HNRNPA2B1: variants seen among roughly 807,000 people sequenced by gnomAD.
The protein encoded by HNRNPA2B1 is heterogeneous nuclear ribonucleoproteins A2/B1.
Under a neutral mutation model 46.3 loss-of-function variants are expected in HNRNPA2B1, and 3 were observed. That is an observed-to-expected ratio of 0.06 (90% CI 0.03 to 0.17). The LOEUF is 0.17. Ranked by LOEUF, HNRNPA2B1 falls within the 10% of genes least tolerant of loss-of-function variation. HNRNPA2B1 has a pLI of 1.00. For synonymous variants in HNRNPA2B1, 225 were observed against 133.8 expected, an observed-to-expected ratio of 1.68 and a Z score of -4.70; for missense variants, 221 against 418.9, an observed-to-expected ratio of 0.53 and a Z score of 4.12.
rs367758114 is a variant in HNRNPA2B1, at chr7:26,193,232, C to G, written c.964+19G>C. The G allele has an allele frequency of 1.9e-6, 3 of 1,602,682 alleles. No homozygotes were observed. Among genetic ancestry groups the G allele is most frequent in the African/African-American group, 1.4e-5 (1 of 74,022 alleles). On this transcript the variant is annotated intron_variant, in intron 9 of 10. Coordinates refer to ENST00000618183, the MANE Select transcript of HNRNPA2B1 (RefSeq NM_002137.4). ...CTTTAATCACAAAAATCTGAATAAC[C>G]TCAATTTTTATAAATTACCTCCACC...
rs113451169 is a variant in HNRNPA2B1 at position 26,197,298 on chromosome 7, A to C, written c.264+17T>G. On this transcript the variant is annotated intron_variant, in intron 3 of 10. Transcript: ENST00000618183. ...CGTTCTTCATGTTAATGCACAAGAC[A>C]GTCATTGTTTGCTTACCTCTCTTGC... 3.1e-5 allele frequency: 49 copies of C among 1,596,524 alleles called. No individual in the cohort carries two copies. In the African/African-American group the frequency reaches 3.1e-4, roughly 10 times the overall value.
chr7:26,199,858 C>G (rs1584013152), intron 1 of HNRNPA2B1: 1 of 152,322 alleles, frequency 6.6e-6, no homozygotes, highest in East Asian at 1.9e-4. Flanking sequence ...GAAACCGGGC[C>G]CGCAAACCCG....
At position 26,190,547 on chromosome 7, in the gene HNRNPA2B1, A is replaced by G. The variant is rs961138771; in HGVS notation, c.*1813T>C. On this transcript the variant is annotated 3_prime_UTR_variant, in exon 11 of 11. Coordinates refer to ENST00000618183, the MANE Select transcript of HNRNPA2B1 (RefSeq NM_002137.4). ...CAACTTCAGTGGTGGTCTTAGGATCAAAGAAGACTCATTGGTGTATAGAGT... is the reference window on the plus strand; with the variant it reads ...CAACTTCAGTGGTGGTCTTAGGATCGAAGAAGACTCATTGGTGTATAGAGT... The G allele has an allele frequency of 3.3e-5, 5 of 152,278 alleles. No individual in the cohort carries two copies. The allele number at this position is 152,278 out of a possible 1,614,324, so 9.4% of individuals were successfully genotyped here.
At chr7:26,194,735 T>A (rs1783321151) in intron 7 of HNRNPA2B1, among the ~76,000 whole-genome samples, 1 of 151,620 alleles carries the variant, frequency 6.6e-6, no homozygotes, top group Non-Finnish European at 1.5e-5. Flanking sequence ...GTATGTTCTT[T>A]ACTGTAAATA....
At chr7:26,198,233 T>G (rs940685343) in intron 1 of HNRNPA2B1, 5 of 167,286 alleles carry the variant, frequency 3.0e-5, no homozygotes, top group African/African-American at 1.2e-4. Context: ...ATCATTTATT[T>G]TCCCTTAACT....
At chr7:26,196,766 T>A (rs1450075713) in intron 4 of HNRNPA2B1, 41 bp downstream of exon 4, 5 of 1,582,512 alleles carry the variant, frequency 3.2e-6, no homozygotes, top group African/African-American at 2.7e-5. Flanking sequence ...CAAAATTGAA[T>A]ACACTGGAAA....
Position 26,196,865 on chromosome 7 carries a change from C to T in HNRNPA2B1, c.417G>A (p.Lys139=), listed in dbSNP as rs776320357. 20 of 1,614,044 alleles carry T rather than the reference C, an allele frequency of 1.2e-5. No individual in the cohort carries two copies. The highest frequency in any genetic ancestry group is 1.7e-5 in the Non-Finnish European group (20 of 1,179,982). The change falls in exon 4 of 11, where the codon AAG becomes AAA. Residue 139 remains lysine (K), a synonymous_variant. Transcript: ENST00000618183. ...IEIITDRQSG[K]KRGFGFVTFD... is the part of the protein sequence containing the mutation. ...AAGTAACAAAGCCAAAGCCTCTTTT[C>T]TTTCCAGACTGCCTATCAGTAATTA...
In HNRNPA2B1 at chr7:26,191,242, T is replaced by A. The variant is rs1006402485; in HGVS notation, c.*1118A>T. 1 of 152,222 alleles carries A rather than the reference T, an allele frequency of 6.6e-6. No individual in the cohort carries two copies. The highest frequency in any genetic ancestry group is 1.5e-5 in the Non-Finnish European group (1 of 67,986). The allele number at this position is 152,222 out of a possible 1,614,324, so 9.4% of individuals were successfully genotyped here. On this transcript the variant is annotated 3_prime_UTR_variant, in exon 11 of 11. Transcript: ENST00000618183. ...GGAAAAACAACCAAAATAATTTAAG[T>A]AAATGACAGATTGGAAAACAGGGTT...
intron 1 of HNRNPA2B1, chr7:26,198,015 TTAAA>T (rs764710802): frequency 2.2e-6 from 1 of 445,842 alleles, no homozygotes; most frequent in South Asian, 5.9e-5. Flanking sequence ...TTAAATTATC[TTAAA>T]TTATTAATTA....
In HNRNPA2B1 at chr7:26,192,354, TAA is replaced by T; in HGVS notation, c.*22-18_*22-17del. On this transcript the variant is annotated splice_polypyrimidine_tract_variant and intron_variant, in intron 10 of 10. Transcript: ENST00000618183. ...ACAGTGAAGCCTGTTTCAACAGAAG[TAA>T]AGAGTAAAAAAAAAATAGGTTATGA... 1 of 643,042 alleles carries T rather than the reference TAA, an allele frequency of 1.6e-6. No individual in the cohort carries two copies. The highest frequency in any genetic ancestry group is 2.7e-6 in the Non-Finnish European group (1 of 364,348). 39.8% of individuals were successfully genotyped at this position (643,042 alleles called of 1,614,324 possible). A position where few individuals can be genotyped will look rare whatever the true frequency, so the allele number is the denominator to read the frequency against.
In HNRNPA2B1 at chr7:26,195,092, C is replaced by CAAAAAAAAAAAAAAAAAAAAAA. The variant is rs11356411; in HGVS notation, c.721+754_721+755insTTTTTTTTTTTTTTTTTTTTTT. ...TGGGTGACAGAGCAAGGCTCCGTCT[C>CAAAAAAAAAAAAAAAAAAAAAA]AAAAAAAAAAAAAAAAAAGAAACCA... is the stretch of plus-strand genomic sequence containing the variant. On this transcript the variant is annotated intron_variant, in intron 7 of 10. Transcript: ENST00000618183. 3.9e-4 allele frequency among the ~76,000 whole-genome samples: 20 copies of CAAAAAAAAAAAAAAAAAAAAAA among 51,940 alleles called. 1 individual carries two copies. Among genetic ancestry groups the CAAAAAAAAAAAAAAAAAAAAAA allele is most frequent in the Non-Finnish European group, 6.5e-4 (14 of 21,458 alleles). 34.1% of individuals were successfully genotyped at this position (51,940 alleles called of 152,430 possible).
chr7:26,192,731 A>G (rs1783041677), intron 9 of HNRNPA2B1, among the ~76,000 whole-genome samples, 154 bp from the exon 10 acceptor site: 1 of 152,238 alleles, frequency 6.6e-6, no homozygotes, highest in Non-Finnish European at 1.5e-5. Flanking sequence ...CTCAGGAGAT[A>G]AATTACTCGG....
At chr7:26,196,172 C>T (rs994405929) in intron 6 of HNRNPA2B1, among the ~76,000 whole-genome samples, 3 of 152,130 alleles carry the variant, frequency 2.0e-5, no homozygotes, top group Non-Finnish European at 2.9e-5. Context: ...CAAAGCTTTT[C>T]GGATGACACT....
intron 3 of HNRNPA2B1, 70 bp from the exon 4 acceptor site, chr7:26,197,087 G>T: frequency 7.9e-7 from 1 of 1,262,170 alleles, no homozygotes; most frequent in Middle Eastern, 1.9e-4. Context: ...GCACCCAACC[G>T]TAGTACCATA....
chr7:26,196,683 T>C (rs1783677561), intron 4 of HNRNPA2B1, 25 bp from the exon 5 acceptor site: 1 of 1,595,208 alleles, frequency 6.3e-7, no homozygotes, highest in Non-Finnish European at 8.6e-7. Flanking sequence ...TCAGACTCCT[T>C]TTAAATTAAA....
At chr7:26,193,428 G>T in intron 8 of HNRNPA2B1, 55 bp from the exon 9 acceptor site, 1 of 1,560,286 alleles carries the variant, frequency 6.4e-7, no homozygotes, top group Non-Finnish European at 8.7e-7. Context: ...AAGGACTTAG[G>T]ACAAAGCTCC....
chr7:26,196,232 CTA>C (rs957720906), intron 6 of HNRNPA2B1, among the ~76,000 whole-genome samples, 167 bp downstream of exon 6: 4 of 152,180 alleles, frequency 2.6e-5, no homozygotes, highest in African/African-American at 9.7e-5. Flanking sequence ...TAATACAACT[CTA>C]TTAACTTCTT....
intron 7 of HNRNPA2B1, 67 bp downstream of exon 7, chr7:26,195,780 G>C: frequency 3.3e-6 from 5 of 1,524,808 alleles, no homozygotes; most frequent in Non-Finnish European, 4.4e-6. Flanking sequence ...AAATATAAAT[G>C]AAGTAAATAT....
chr7:26,197,106 G>A (rs1440476545), intron 3 of HNRNPA2B1, 89 bp from the exon 4 acceptor site: 3 of 1,149,764 alleles, frequency 2.6e-6, no homozygotes, highest in South Asian at 2.8e-5. Flanking sequence ...TACTTCGCTT[G>A]TATCCACCTT....
Sources: allele counts gnomAD v4.1 joint callset (sites outside exome capture counted in the v4.1 genomes callset), GRCh38; gene constraint gnomAD v4.1.1; transcripts MANE v1.5; gene names NCBI Gene and HGNC (gene_info 2026-07-23, HGNC 2026-07-21).